The following RSAD2 variants were observed in gnomAD, a reference collection of about 807,000 sequenced individuals.
RSAD2 encodes the protein radical S-adenosyl methionine domain containing 2.
Under a neutral mutation model 37.7 loss-of-function variants are expected in RSAD2, and 38 were observed. That is an observed-to-expected ratio of 1.01 (90% confidence interval 0.78 to 1.32). The LOEUF (loss-of-function observed/expected upper bound fraction) is 1.32, where lower values mean the gene tolerates loss of function less well. RSAD2 is among the 40% of genes most tolerant of loss of function. The pLI, the probability that RSAD2 is intolerant of heterozygous loss-of-function variation, is 0.00. For missense variants in RSAD2, 428 were observed against 437.5 expected (o/e 0.98, Z 0.19); for synonymous variants, 163 against 157.4 (o/e 1.04, Z -0.27).
chr2:6,869,304 GA>G (rs1445090502), intron 1 of RSAD2, among the ~76,000 whole-genome samples: 5 of 152,094 alleles, frequency 3.3e-5, no homozygotes, highest in African/African-American at 1.2e-4. Flanking sequence ...TGAGTCTTAT[GA>G]GTCCTGTTTG....
At chr2:6,891,879 C>G (rs1663639036) in intron 4 of RSAD2, among the ~76,000 whole-genome samples, 1 of 152,070 alleles carries the variant, frequency 6.6e-6, no homozygotes, top group African/African-American at 2.4e-5. Context: ...GTTACACTGA[C>G]TAACAAGCAT....
Position 6,877,895 on chromosome 2 carries a change from T to C in RSAD2, c.95T>C (p.Phe32Ser), listed in dbSNP as rs1398267471. 6.2e-7 allele frequency: 1 copy of C among 1,614,112 alleles called. No individual in the cohort carries two copies. The highest frequency in any genetic ancestry group is 8.5e-7 in the Non-Finnish European group (1 of 1,180,026). The change falls in exon 1 of 6, where the codon TTC (phenylalanine) becomes TCC (serine). Residue 32 changes from phenylalanine (F) to serine (S), a missense_variant. Coordinates refer to ENST00000382040, the MANE Select transcript of RSAD2 (RefSeq NM_080657.5). ...CTGTGGAGGAGCCTGGTCCCGCTGT[T>C]CTGCTGGCTGAGGGCAACCTTCTGG... is the stretch of plus-strand genomic sequence containing the variant. Reference protein sequence around the residue: ...SSLWRSLVPLFCWLRATFWLL... With the variant: ...SSLWRSLVPLSCWLRATFWLL...
At chr2:6,879,363 G>A (rs572223543) in intron 1 of RSAD2, among the ~76,000 whole-genome samples, 18 of 151,954 alleles carry the variant, frequency 1.2e-4, no homozygotes, top group Non-Finnish European at 2.5e-4. Context: ...TATGAGCATC[G>A]TTGTCAAGGC....
chr2:6,873,275 A>G (rs764300254), upstream of RSAD2, among the ~76,000 whole-genome samples: 3 of 152,202 alleles, frequency 2.0e-5, no homozygotes, highest in Non-Finnish European at 2.9e-5. Flanking sequence ...TTCCTATGCT[A>G]TTCCTAAGAA....
chr2:6,876,001 A>G (rs1334811135), upstream of RSAD2, among the ~76,000 whole-genome samples: 1 of 152,196 alleles, frequency 6.6e-6, no homozygotes, highest in Non-Finnish European at 1.5e-5. Context: ...ACAGAGGTCC[A>G]TAGACTCCCT....
intron 4 of RSAD2, among the ~76,000 whole-genome samples, chr2:6,892,068 T>C (rs777092718): frequency 7.9e-5 from 12 of 152,372 alleles, no homozygotes; most frequent in Non-Finnish European, 1.6e-4. Context: ...TTCACCTTTA[T>C]AACTTTTTGA....
intron 1 of RSAD2, among the ~76,000 whole-genome samples, chr2:6,880,304 G>A (rs922683778): frequency 6.6e-6 from 1 of 152,174 alleles, no homozygotes; most frequent in African/African-American, 2.4e-5. Flanking sequence ...GGGGCTTCTG[G>A]CTGAGTTAAG....
rs373873900 is a variant in RSAD2 at position 6,895,922 on chromosome 2, G to A, written c.1066G>A (p.Asp356Asn). Residue 356 changes from aspartate to asparagine, a missense_variant, in exon 6 of 6, where the codon GAT (aspartate) becomes AAT (asparagine). By Grantham distance (23) the Asp-to-Asn change is conservative. Coordinates refer to ENST00000382040, the MANE Select transcript of RSAD2 (RefSeq NM_080657.5). Reference sequence around the variant, plus strand: ...AGGAAAATACATATGGAGTAAGGCTGATCTGAAGCTGGATTGGTAGAGCGG... The same window carrying A: ...AGGAAAATACATATGGAGTAAGGCTAATCTGAAGCTGGATTGGTAGAGCGG... ...RGGKYIWSKA[D>N]LKLDW The A allele has an allele frequency of 6.2e-7, 1 of 1,613,604 alleles. No homozygotes were observed. The highest frequency in any genetic ancestry group is 8.5e-7 in the Non-Finnish European group (1 of 1,179,702).
chr2:6,877,701 G>A (rs546566657), upstream of RSAD2: 72 of 847,050 alleles, frequency 8.5e-5, 1 homozygote, highest in South Asian at 3.6e-5. Flanking sequence ...GGTGTGTCCT[G>A]CTCCCCAATG....
intron 1 of RSAD2, among the ~76,000 whole-genome samples, chr2:6,881,646 G>A (rs1305476608): frequency 6.6e-6 from 1 of 152,228 alleles, no homozygotes. Flanking sequence ...AGGTTTGCAC[G>A]GGTTCATTCT....
chr2:6,872,543 TAAGG>T (rs1215263246), intron 1 of RSAD2, among the ~76,000 whole-genome samples: 5 of 151,708 alleles, frequency 3.3e-5, no homozygotes, highest in African/African-American at 1.2e-4. Context: ...TGTTTTTTGA[TAAGG>T]AAGGTTGAAA....
Position 6,895,939 on chromosome 2 carries a change from G to A in RSAD2, c.1083G>A (p.Trp361Ter), listed in dbSNP as rs1663766417. The A allele has an allele frequency of 6.2e-7, 1 of 1,613,248 alleles. No homozygotes were observed. Among genetic ancestry groups the A allele is most frequent in the Admixed American group, 1.7e-5 (1 of 59,960 alleles). The change falls in exon 6 of 6, where the codon TGG becomes TGA. Residue 361 changes from tryptophan (W) to a stop codon, truncating the protein, a stop_gained. Coordinates refer to ENST00000382040, the MANE Select transcript of RSAD2 (RefSeq NM_080657.5). LOFTEE classifies it high-confidence loss of function. ...GTAAGGCTGATCTGAAGCTGGATTG[G>A]TAGAGCGGAAAGTGGAACGAGACTT... is the stretch of plus-strand genomic sequence containing the variant. Reference protein sequence around the residue: ...IWSKADLKLDW With the variant: ...IWSKADLKLD
chr2:6,884,658 A>T (rs1663480635), intron 2 of RSAD2, among the ~76,000 whole-genome samples: 1 of 152,196 alleles, frequency 6.6e-6, no homozygotes, highest in Non-Finnish European at 1.5e-5. Flanking sequence ...AGAAAGTGGT[A>T]TAAATTAGTG....
At chr2:6,889,046 C>A (rs140867841) in intron 3 of RSAD2, among the ~76,000 whole-genome samples, 1 of 152,342 alleles carries the variant, frequency 6.6e-6, no homozygotes, top group Non-Finnish European at 1.5e-5. Context: ...CAATATTGTT[C>A]CCCTTCCAGC....
intron 1 of RSAD2, among the ~76,000 whole-genome samples, chr2:6,869,289 G>C (rs1054056534): frequency 2.0e-5 from 3 of 152,098 alleles, no homozygotes; most frequent in Non-Finnish European, 4.4e-5. Context: ...AGTCTAACAT[G>C]CTCCTGAGTC....
chr2:6,888,913 G>A (rs994572839), intron 3 of RSAD2, among the ~76,000 whole-genome samples: 6 of 152,130 alleles, frequency 3.9e-5, no homozygotes, highest in East Asian at 3.9e-4. Flanking sequence ...CCGTGTCCCC[G>A]GGACAACAGC....
In RSAD2 at chr2:6,890,235, A is replaced by T. The variant is rs777065475; in HGVS notation, c.798A>T (p.Ala266=). Residue 266 remains alanine (A), a synonymous_variant, in exon 4 of 6, where the codon GCA becomes GCT. Transcript: ENST00000382040. ...GTGGAGAAGATGCTCTAAGAGAAGC[A>T]GAAAGATTTGTTATTGGTGATGAAG... is the stretch of plus-strand genomic sequence containing the variant. ...ENCGEDALRE[A]ERFVIGDEEF... 6.2e-7 allele frequency: 1 copy of T among 1,614,202 alleles called. No homozygotes were observed. The highest frequency in any genetic ancestry group is 1.7e-5 in the Admixed American group (1 of 60,026).
intron 5 of RSAD2, among the ~76,000 whole-genome samples, chr2:6,895,100 G>A (rs898853882): frequency 4.7e-5 from 7 of 149,152 alleles, no homozygotes; most frequent in South Asian, 2.1e-4. Context: ...TGAAGAAATC[G>A]TTTCTGCCTA....
chr2:6,872,707 A>G (rs1663221194), intron 1 of RSAD2, among the ~76,000 whole-genome samples: 1 of 152,194 alleles, frequency 6.6e-6, no homozygotes, highest in East Asian at 1.9e-4. Context: ...GCATGAAAAG[A>G]AAGTTGATAA....
Sources: allele counts gnomAD v4.1 joint callset (sites outside exome capture counted in the v4.1 genomes callset), GRCh38; gene constraint gnomAD v4.1.1; transcripts MANE v1.5; gene names NCBI Gene and HGNC (gene_info 2026-07-23, HGNC 2026-07-21).